ABCB8: variants seen among roughly 807,000 people sequenced by gnomAD.
ABCB8 encodes the protein mitochondrial potassium channel ATP-binding subunit.
In ABCB8, 52 loss-of-function variants were observed where a neutral mutation model predicts 73.0. The ratio of observed to expected loss-of-function variants is 0.71; its 90% CI spans 0.57 to 0.90. The LOEUF (loss-of-function observed/expected upper bound fraction) is 0.90, where lower values mean the gene tolerates loss of function less well. Ranked by LOEUF, ABCB8 falls within the 40% of genes least tolerant of loss-of-function variation. ABCB8 has a pLI of 0.00. For synonymous variants in ABCB8, 428 were observed against 423.5 expected, an observed-to-expected ratio of 1.01 and a Z score of -0.13; for missense variants, 909 against 974.6, an observed-to-expected ratio of 0.93 and a Z score of 0.90.
At chr7:151,044,320 C>G (rs1796557535) in intron 15 of ABCB8, 99 bp downstream of exon 15, 1 of 1,523,784 alleles carries the variant, frequency 6.6e-7, no homozygotes, top group African/African-American at 1.4e-5. Flanking sequence ...GTGGCCTGGC[C>G]CCAGGGCCTT....
chr7:151,030,625 C>A (rs1038541442), intron 1 of ABCB8, among the ~76,000 whole-genome samples: 3 of 152,090 alleles, frequency 2.0e-5, no homozygotes, highest in African/African-American at 7.2e-5. Context: ...CAAGACCAGC[C>A]CGGCCAACAT....
At chr7:151,042,468 A>C (rs1431028762) in intron 14 of ABCB8, among the ~76,000 whole-genome samples, 1 of 152,152 alleles carries the variant, frequency 6.6e-6, no homozygotes, top group African/African-American at 2.4e-5. Context: ...CCCCAGACTG[A>C]ACAGAAGAAA....
At chr7:151,040,735 C>A (rs1442713835) in intron 11 of ABCB8, 93 bp from the exon 12 acceptor site, 3 of 1,601,112 alleles carry the variant, frequency 1.9e-6, no homozygotes, top group African/African-American at 1.3e-5. Context: ...CATAAACAGG[C>A]CCTCTCAGAG....
At chr7:151,030,513 A>G (rs927899867) in intron 1 of ABCB8, among the ~76,000 whole-genome samples, 1 of 151,828 alleles carries the variant, frequency 6.6e-6, no homozygotes, top group African/African-American at 2.4e-5. Context: ...TCCGTCTCAA[A>G]TAAATAAATA....
chr7:151,041,379 C>G (rs1796461482), intron 13 of ABCB8, 147 bp downstream of exon 13: 1 of 1,174,942 alleles, frequency 8.5e-7, no homozygotes, highest in African/African-American at 1.6e-5. Flanking sequence ...ATGTCCTCAG[C>G]TGTTGTCTGG....
At chr7:151,040,703 G>A in intron 11 of ABCB8, 69 bp downstream of exon 11, 1 of 1,599,464 alleles carries the variant, frequency 6.3e-7, no homozygotes, top group Non-Finnish European at 8.5e-7. Flanking sequence ...ATTCGGGGGT[G>A]GAGGTCTGGA....
At chr7:151,033,360 G>T in intron 1 of ABCB8, 2 of 1,332,872 alleles carry the variant, frequency 1.5e-6, no homozygotes, top group Non-Finnish European at 9.8e-7. Context: ...CCTGAGAGTT[G>T]CCCAGGGGAA....
At chr7:151,033,552 C>T (rs866548717) in intron 1 of ABCB8, 53 bp from the exon 2 acceptor site, 58 of 1,515,890 alleles carry the variant, frequency 3.8e-5, no homozygotes, top group Middle Eastern at 1.8e-4. Context: ...GTGTGCTGGT[C>T]AGCAGGAGGG....
At chr7:151,037,460 CCAGAGCTGAT>C in intron 9 of ABCB8, 1 of 644,378 alleles carries the variant, frequency 1.6e-6, no homozygotes, top group Admixed American at 2.2e-5. Context: ...TCTGGGATGA[CCAGAGCTGAT>C]CACCAGACAG....
In ABCB8 at chr7:151,035,741, A is replaced by C. The variant is rs137922285; in HGVS notation, c.926A>C (p.Gln309Pro). ...LRKLSRQCQE[Q>P]IARAMGVADE... is the part of the protein sequence containing the mutation. ...AAATTGTCTCGCCAGTGTCAGGAGC[A>C]GGTACCGGCATTCCTGGCCATCCTC... Residue 309 changes from glutamine (Q) to proline (P), a missense_variant and splice_region_variant, in exon 6 of 16, where the codon CAG (glutamine) becomes CCG (proline). Coordinates refer to ENST00000358849, the MANE Select transcript of ABCB8 (RefSeq NM_007188.5). The C allele has an allele frequency of 6.9e-5, 111 of 1,612,596 alleles. No homozygotes were observed. The highest frequency in any genetic ancestry group is 9.0e-5 in the Non-Finnish European group (106 of 1,180,018).
intron 14 of ABCB8, among the ~76,000 whole-genome samples, chr7:151,043,012 C>G (rs1239330052): frequency 6.6e-6 from 1 of 152,244 alleles, no homozygotes; most frequent in Non-Finnish European, 1.5e-5. Flanking sequence ...TGACCTGTCA[C>G]CCTGCTGTCA....
In ABCB8 at chr7:151,043,989, T is replaced by C. The variant is rs780271161; in HGVS notation, c.1784T>C (p.Leu595Pro). 1 of 1,612,536 alleles carries C rather than the reference T, an allele frequency of 6.2e-7. No homozygotes were observed. The highest frequency in any genetic ancestry group is 8.5e-7 in the Non-Finnish European group (1 of 1,179,614). Residue 595 changes from leucine (L) to proline (P), a missense_variant, in exon 15 of 16, where the codon CTG (leucine) becomes CCG (proline). Leu to Pro is a moderately conservative substitution (Grantham distance 98, BLOSUM62 -3). Transcript: ENST00000358849. ...NTVVGERGTT[L>P]SGGQKQRLAI... ...TTCCCAGGTGAACGGGGCACTACCC[T>C]GTCTGGGGGCCAGAAGCAGCGCCTG...
rs1796226226 is a variant in ABCB8, at chr7:151,033,717, G to A, written c.208G>A (p.Ala70Thr). The change falls in exon 2 of 16, where the codon GCC (alanine) becomes ACC (threonine). Residue 70 changes from alanine (A) to threonine (T), a missense_variant. Transcript: ENST00000358849. Reference sequence around the variant, plus strand: ...CCTAGCTCCCAGATGGAGCCCCTCTGCCTGGTGCTGGGTTGGGGGAGCCCT... The same window carrying A: ...CCTAGCTCCCAGATGGAGCCCCTCTACCTGGTGCTGGGTTGGGGGAGCCCT... ...APLAPRWSPS[A>T]WCWVGGALLG... 2.5e-6 allele frequency: 4 copies of A among 1,613,866 alleles called. No homozygotes were observed. Among genetic ancestry groups the A allele is most frequent in the Non-Finnish European group, 2.5e-6 (3 of 1,179,928 alleles).
At chr7:151,040,189 C>A in intron 9 of ABCB8, 79 bp from the exon 10 acceptor site, 4 of 1,535,552 alleles carry the variant, frequency 2.6e-6, no homozygotes, top group Non-Finnish European at 2.7e-6. Flanking sequence ...CTTGCTCCCC[C>A]GCCCCACCGT....
At chr7:151,040,179 C>T (rs1796416168) in intron 9 of ABCB8, 89 bp from the exon 10 acceptor site, 2 of 1,503,960 alleles carry the variant, frequency 1.3e-6, no homozygotes, top group South Asian at 2.5e-5. Context: ...CACCTGCTTC[C>T]TTGCTCCCCC....
rs772248185 is a variant in ABCB8, at chr7:151,041,981, G to A, written c.1638G>A (p.Thr546=). The change falls in exon 14 of 16, where the codon ACG becomes ACA. Residue 546 remains threonine (T), a synonymous_variant. Coordinates refer to ENST00000358849, the MANE Select transcript of ABCB8 (RefSeq NM_007188.5). ...CACAGGAGCCCGTCCTGTTTGGGAC[G>A]ACCATCATGGAAAACATCCGCTTTG... is the stretch of plus-strand genomic sequence containing the variant. ...FISQEPVLFG[T]TIMENIRFGK... is the part of the protein sequence containing the mutation. 16 of 1,612,630 alleles carry A rather than the reference G, an allele frequency of 9.9e-6. No homozygotes were observed. Among genetic ancestry groups the A allele is most frequent in the Admixed American group, 3.3e-5 (2 of 60,000 alleles).
Position 151,034,379 on chromosome 7 carries a change from C to G in ABCB8, c.515C>G (p.Thr172Ser). ...YTRDHVGSFMTESQNLSTHLL... is the reference protein window; with the variant it reads ...YTRDHVGSFMSESQNLSTHLL... ...AGGGACCACGTAGGGAGTTTCATGA[C>G]TGAGTCCCAGAATCTCAGCACCCAC... Residue 172 changes from threonine (T) to serine (S), a missense_variant, in exon 3 of 16, where the codon ACT becomes AGT. Coordinates refer to ENST00000358849, the MANE Select transcript of ABCB8 (RefSeq NM_007188.5). 1.9e-6 allele frequency: 3 copies of G among 1,614,036 alleles called. No homozygotes were observed. The highest frequency in any genetic ancestry group is 2.5e-6 in the Non-Finnish European group (3 of 1,180,004).
At chr7:151,043,145 CCA>C (rs1342422061) in intron 14 of ABCB8, among the ~76,000 whole-genome samples, 1 of 152,256 alleles carries the variant, frequency 6.6e-6, no homozygotes, top group African/African-American at 2.4e-5. Context: ...TTCCCCACAG[CCA>C]CAGAGACCCG....
At chr7:151,040,701 G>A (rs998203348) in intron 11 of ABCB8, 67 bp downstream of exon 11, 3 of 1,599,870 alleles carry the variant, frequency 1.9e-6, no homozygotes, top group Non-Finnish European at 2.6e-6. Flanking sequence ...GGATTCGGGG[G>A]TGGAGGTCTG....
Sources: gnomAD v4.1 joint callset for allele counts (sites outside exome capture counted in the v4.1 genomes callset) on GRCh38, gnomAD v4.1.1 for gene constraint, MANE v1.5 for transcripts, NCBI Gene and HGNC (gene_info 2026-07-23, HGNC 2026-07-21) for gene names.